The following PHACTR2 variants were observed in gnomAD, a reference collection of about 807,000 sequenced individuals.
The protein encoded by PHACTR2 is chromosome 6 open reading frame 56.
A neutral mutation model predicts 76.0 loss-of-function variants in PHACTR2; 30 were observed. The ratio of observed to expected loss-of-function variants is 0.39; its 90% CI spans 0.30 to 0.54. PHACTR2 has a LOEUF of 0.54. Among genes scored for constraint, PHACTR2 ranks in the 20% least tolerant of loss-of-function variants. PHACTR2 has a pLI of 0.61. For synonymous variants in PHACTR2, 292 were observed against 292.5 expected (o/e 1.00, Z 0.02); for missense variants, 696 against 781.1 (o/e 0.89, Z 1.30).
In PHACTR2 at chr6:143,563,557, A is replaced by AAAAAC. The variant is rs1562685338; in HGVS notation, c.217+26354_217+26355insCAAAA. On this transcript the variant is annotated intron_variant, in intron 1 of 11. Coordinates refer to the PHACTR2 transcript ENST00000367584. ...GGCGACACAAACTCCGTCTCAAAAA[A>AAAAAC]AAAAAAAAAAAAAAGAAGAAACCCT... Among the ~76,000 whole-genome samples, 2 of 100,344 alleles carry AAAAAC rather than the reference A, an allele frequency of 2.0e-5. 1 individual carries two copies. The allele number at this position is 100,344 out of a possible 152,430, so 65.8% of individuals were successfully genotyped here.
Position 143,827,196 on chromosome 6 carries a change from A to ATATG in PHACTR2, c.*3511_*3514dup, listed in dbSNP as rs1185045845. The ATATG allele has an allele frequency of 3.5e-4, 42 of 120,148 alleles. No homozygotes were observed. The highest frequency in any genetic ancestry group is 1.1e-3 in the African/African-American group (36 of 33,084). 7.4% of individuals were successfully genotyped at this position (120,148 alleles called of 1,614,324 possible). On this transcript the variant is annotated 3_prime_UTR_variant, in exon 13 of 13. Coordinates refer to ENST00000440869, the MANE Select transcript of PHACTR2 (RefSeq NM_001100164.2). Reference sequence around the variant, plus strand: ...TATATATATATATATATATATATATATATGTATATTATATATACAGTAGCT... The same window carrying ATATG: ...TATATATATATATATATATATATATATATGTATGTATATTATATATACAGTAGCT...
At chr6:143,604,723 A>G (rs1195600189), upstream of PHACTR2, among the ~76,000 whole-genome samples, 2 of 152,018 alleles carry the variant, frequency 1.3e-5, no homozygotes, top group East Asian at 3.9e-4. Flanking sequence ...TCTACTGAAA[A>G]TACAAAAATT....
At position 143,541,184 on chromosome 6, in the gene PHACTR2, T is replaced by C. The variant is rs1291042754; in HGVS notation, c.217+3977T>C. Among the ~76,000 whole-genome samples the C allele has an allele frequency of 2.0e-5, 3 of 152,268 alleles. No individual in the cohort carries two copies. Among genetic ancestry groups the C allele is most frequent in the Non-Finnish European group, 4.4e-5 (3 of 68,048 alleles). ...CTTGAAACAAGGTTCTCATAGTATA[T>C]GGTCATGTATTCTCTTAAGTTTTAG... On this transcript the variant is annotated intron_variant, in intron 1 of 11. Transcript: ENST00000367584. The surrounding 1 kb of genome is among the most constrained non-coding windows in gnomAD (Gnocchi z 5.3).
rs1265297191 is a variant in PHACTR2, at chr6:143,753,580, A to G, written c.296-174A>G. Among the ~76,000 whole-genome samples the G allele has an allele frequency of 6.6e-6, 1 of 152,212 alleles. No individual in the cohort carries two copies. Among genetic ancestry groups the G allele is most frequent in the African/African-American group, 2.4e-5 (1 of 41,448 alleles). On this transcript the variant is annotated intron_variant, in intron 3 of 12. Transcript: ENST00000440869. This position sits in a 1 kb window ranked among gnomAD's most constrained non-coding sequence, Gnocchi z 4.6. The stretch of plus-strand genomic sequence containing the variant: ...TTCCCTCCATAGCAGCTTTTCCCCA[A>G]GACAGAGGATTTTCTAGCTCTTTTG...
Position 143,654,321 on chromosome 6 carries a change from AC to A in PHACTR2, c.13+46000del, listed in dbSNP as rs1399886145. On this transcript the variant is annotated intron_variant, in intron 1 of 11. Transcript: ENST00000305766. The surrounding 1 kb of genome is among the most constrained non-coding windows in gnomAD (Gnocchi z 4.6). ...AATCAATCATAGAGTTACCATATGAACAGCAATTCTACTTCTAGGTATATAC... is the reference window on the plus strand; with the variant it reads ...AATCAATCATAGAGTTACCATATGAAAGCAATTCTACTTCTAGGTATATAC... 6.6e-6 allele frequency among the ~76,000 whole-genome samples: 1 copy of A among 152,230 alleles called. No homozygotes were observed. Among genetic ancestry groups the A allele is most frequent in the Non-Finnish European group, 1.5e-5 (1 of 68,038 alleles).
chr6:143,636,214 GAA>G (rs397950323), intron 1 of PHACTR2, among the ~76,000 whole-genome samples: 1 of 140,396 alleles, frequency 7.1e-6, no homozygotes, highest in Non-Finnish European at 1.5e-5. Flanking sequence ...ACCTGTCTCA[GAA>G]AAAAAAAAAA....
At position 143,709,013 on chromosome 6, in the gene PHACTR2, C is replaced by T. The variant is rs1400947376; in HGVS notation, c.47-3003C>T. The stretch of plus-strand genomic sequence containing the variant: ...TATATTTTACAACATTTAAGTTGTT[C>T]AAAGTTAAGCCCTTCCATGAGAGTT... On this transcript the variant is annotated intron_variant, in intron 1 of 12. Transcript: ENST00000440869. The surrounding 1 kb of genome is among the most constrained non-coding windows in gnomAD (Gnocchi z 4.4). 6.6e-6 allele frequency among the ~76,000 whole-genome samples: 1 copy of T among 152,120 alleles called. No homozygotes were observed. Among genetic ancestry groups the T allele is most frequent in the African/African-American group, 2.4e-5 (1 of 41,422 alleles).
rs1776075525 is a variant in PHACTR2, at chr6:143,806,781, G to C, written c.1846-276G>C. Among the ~76,000 whole-genome samples, 1 of 152,006 alleles carries C rather than the reference G, an allele frequency of 6.6e-6. No individual in the cohort carries two copies. Among genetic ancestry groups the C allele is most frequent in the Non-Finnish European group, 1.5e-5 (1 of 67,988 alleles). On this transcript the variant is annotated intron_variant, in intron 11 of 12. Coordinates refer to ENST00000440869, the MANE Select transcript of PHACTR2 (RefSeq NM_001100164.2). The surrounding 1 kb of genome is among the most constrained non-coding windows in gnomAD (Gnocchi z 5.8). The stretch of plus-strand genomic sequence containing the variant: ...TCAGCCTGGGCAACATCTTGAGACT[G>C]TGTCTCTACCAAAAAAAATTTAAAA...
In PHACTR2 at chr6:143,749,035, A is replaced by C; in HGVS notation, c.265A>C (p.Arg89=). The C allele has an allele frequency of 6.3e-7, 1 of 1,589,234 alleles. No individual in the cohort carries two copies. Among genetic ancestry groups the C allele is most frequent in the African/African-American group, 1.3e-5 (1 of 74,534 alleles). The stretch of plus-strand genomic sequence containing the variant: ...ACAAAGTAGAGAGGAGCTGATAAGA[A>C]GGGGAGTGCTTAAGGAATTGCCTGA... ...TRQSREELIR[R]GVLKELPDQD... is the part of the protein sequence containing the mutation. The change falls in exon 3 of 13, where the codon AGG becomes CGG. Residue 89 remains arginine, a synonymous_variant. Coordinates refer to ENST00000440869, the MANE Select transcript of PHACTR2 (RefSeq NM_001100164.2).
At position 143,767,932 on chromosome 6, in the gene PHACTR2, G is replaced by C. The variant is rs1261796191; in HGVS notation, c.1232+2134G>C. Among the ~76,000 whole-genome samples, 1 of 152,112 alleles carries C rather than the reference G, an allele frequency of 6.6e-6. No homozygotes were observed. Among genetic ancestry groups the C allele is most frequent in the Non-Finnish European group, 1.5e-5 (1 of 68,018 alleles). ...GGCTCACCTCAACCTCTGCCTCCCA[G>C]GTTCAAGCAATTCTCCTGCCTCAGC... is the stretch of plus-strand genomic sequence containing the variant. On this transcript the variant is annotated intron_variant, in intron 6 of 12. Transcript: ENST00000440869. This position sits in a 1 kb window ranked among gnomAD's most constrained non-coding sequence, Gnocchi z 4.4.
rs1479309412 is a variant in PHACTR2 at position 143,599,347 on chromosome 6, T to G, written c.217+62140T>G. Among the ~76,000 whole-genome samples, 1 of 152,176 alleles carries G rather than the reference T, an allele frequency of 6.6e-6. No individual in the cohort carries two copies. The highest frequency in any genetic ancestry group is 1.5e-5 in the Non-Finnish European group (1 of 68,014). The stretch of plus-strand genomic sequence containing the variant: ...TGATTCATGAGAGAAAAAAGTAACA[T>G]GCTTTTTAGGCATTTTTAGGAATTT... On this transcript the variant is annotated intron_variant, in intron 1 of 11. Coordinates refer to the PHACTR2 transcript ENST00000367584. This position sits in a 1 kb window ranked among gnomAD's most constrained non-coding sequence, Gnocchi z 4.6.
At position 143,679,911 on chromosome 6, in the gene PHACTR2, T is replaced by C. The variant is rs893400416; in HGVS notation, c.46+1702T>C. ...CAGAGAAATATCTCACGGAACGGTG[T>C]TATACTTAAATTGCAGGTCCTCAGT... On this transcript the variant is annotated intron_variant, in intron 1 of 12. Coordinates refer to ENST00000440869, the MANE Select transcript of PHACTR2 (RefSeq NM_001100164.2). This position sits in a 1 kb window ranked among gnomAD's most constrained non-coding sequence, Gnocchi z 4.6. Among the ~76,000 whole-genome samples the C allele has an allele frequency of 2.6e-5, 4 of 152,214 alleles. No individual in the cohort carries two copies. The highest frequency in any genetic ancestry group is 2.6e-4 in the Admixed American group (4 of 15,286).
chr6:143,777,428 C>A lies in PHACTR2; in HGVS notation c.1645+45C>A, dbSNP rs766536115. On this transcript the variant is annotated intron_variant, in intron 9 of 12. Transcript: ENST00000440869. The surrounding 1 kb of genome is among the most constrained non-coding windows in gnomAD (Gnocchi z 4.6). ...GAATGATTCCTTGTGTAATCGCTAACAAGCTGCCTCTACAGATGATCGATT... is the reference window on the plus strand; with the variant it reads ...GAATGATTCCTTGTGTAATCGCTAAAAAGCTGCCTCTACAGATGATCGATT... 1.4e-5 allele frequency: 14 copies of A among 1,002,438 alleles called. No homozygotes were observed. The highest frequency in any genetic ancestry group is 2.1e-5 in the Non-Finnish European group (14 of 660,208). 62.1% of individuals were successfully genotyped at this position (1,002,438 alleles called of 1,614,324 possible). A position where few individuals can be genotyped will look rare whatever the true frequency, so the allele number is the denominator to read the frequency against.
intron 1 of PHACTR2, among the ~76,000 whole-genome samples, chr6:143,584,405 A>T (rs1775603905): frequency 6.6e-6 from 1 of 152,210 alleles, no homozygotes; most frequent in South Asian, 2.1e-4. Context: ...TCAAGGGAAG[A>T]TCAACTAGCC....
rs770783566 is a variant in PHACTR2 at position 143,783,017 on chromosome 6, G to GTGTA, written c.1646-199_1646-198insATGT. On this transcript the variant is annotated intron_variant, in intron 9 of 12. Transcript: ENST00000440869. The surrounding 1 kb of genome is among the most constrained non-coding windows in gnomAD (Gnocchi z 5.2). ...CTACAAAAAAAGCATGTGTGTGTGT[G>GTGTA]TGTGTGTGTGTGTGTGTGTATGTGT... 9.3e-5 allele frequency among the ~76,000 whole-genome samples: 14 copies of GTGTA among 151,238 alleles called. No individual in the cohort carries two copies. The highest frequency in any genetic ancestry group is 1.6e-4 in the Non-Finnish European group (11 of 67,746).
At chr6:143,645,744 T>G (rs1332777260) in intron 1 of PHACTR2, among the ~76,000 whole-genome samples, 1 of 152,222 alleles carries the variant, frequency 6.6e-6, no homozygotes, top group Non-Finnish European at 1.5e-5. Context: ...GTTTAGTAAG[T>G]CATGTTGACA....
chr6:143,773,991 ATGTG>A, intron 7 of PHACTR2, 64 bp from the exon 8 acceptor site: 2 of 1,373,080 alleles, frequency 1.5e-6, no homozygotes, highest in Non-Finnish European at 2.0e-6. Flanking sequence ...AGTCCATGCC[ATGTG>A]TAACCTGAGT....
At chr6:143,552,338 A>C (rs1775106521) in intron 1 of PHACTR2, among the ~76,000 whole-genome samples, 1 of 152,180 alleles carries the variant, frequency 6.6e-6, no homozygotes, top group Non-Finnish European at 1.5e-5. Flanking sequence ...TTCACAGCCA[A>C]AGCATTTCTG....
At chr6:143,719,536 G>A (rs1468177046) in intron 2 of PHACTR2, among the ~76,000 whole-genome samples, 3 of 149,344 alleles carry the variant, frequency 2.0e-5, no homozygotes, top group African/African-American at 7.4e-5. Context: ...TTTTAGTAGA[G>A]ACAGGGTTTC....
Sources: gnomAD v4.1 joint callset for allele counts (sites outside exome capture counted in the v4.1 genomes callset) on GRCh38, gnomAD v4.1.1 for gene constraint, Gnocchi (gnomAD v3.1) non-coding constraint, MANE v1.5 for transcripts, NCBI Gene and HGNC (gene_info 2026-07-23, HGNC 2026-07-21) for gene names.